CALN1: variants seen among roughly 807,000 people sequenced by gnomAD.
CALN1 encodes the protein calcium-binding protein 8.
Under a neutral mutation model 30.6 loss-of-function variants are expected in CALN1, and 17 were observed. The ratio of observed to expected loss-of-function variants is 0.56; its 90% CI spans 0.38 to 0.83. CALN1 has a LOEUF of 0.83. CALN1 is among the 40% of genes least tolerant of loss of function. The probability of loss-of-function intolerance (pLI) is 0.00; values close to 1 mark genes in which losing one functional copy is unlikely to be tolerated. For synonymous variants in CALN1, 156 were observed against 131.4 expected (o/e 1.19, Z -1.28); for missense variants, 291 against 354.9 (o/e 0.82, Z 1.45).
At chr7:71,892,440 C>T in intron 5 of CALN1, among the ~76,000 whole-genome samples, 1 of 152,138 alleles carries the variant, frequency 6.6e-6, no homozygotes, top group East Asian at 1.9e-4. Flanking sequence ...AGTTCGAGAC[C>T]AGCCTTGGGC....
At chr7:71,838,119 G>A (rs1034052806) in intron 5 of CALN1, among the ~76,000 whole-genome samples, 2 of 152,006 alleles carry the variant, frequency 1.3e-5, no homozygotes, top group Admixed American at 6.6e-5. Context: ...ATTTTGTTCT[G>A]CGGAAAAGAG....
intron 5 of CALN1, among the ~76,000 whole-genome samples, chr7:71,975,066 A>G (rs1461622730): frequency 6.6e-6 from 1 of 152,118 alleles, no homozygotes; most frequent in Non-Finnish European, 1.5e-5. Flanking sequence ...ACCAAATCCA[A>G]TTAGTCACTG....
At chr7:72,013,625 G>A (rs1015035456) in intron 5 of CALN1, among the ~76,000 whole-genome samples, 13 of 151,890 alleles carry the variant, frequency 8.6e-5, no homozygotes, top group African/African-American at 3.1e-4. Context: ...CAAGTATAAA[G>A]AAAAAATTAT....
At chr7:71,814,895 G>C (rs942352045) in intron 5 of CALN1, among the ~76,000 whole-genome samples, 1 of 149,904 alleles carries the variant, frequency 6.7e-6, no homozygotes, top group Non-Finnish European at 1.5e-5. Context: ...GTGCAGTGAC[G>C]CAATCTTGGC....
chr7:72,208,011 A>C (rs1380342244), intron 3 of CALN1, among the ~76,000 whole-genome samples: 7 of 152,204 alleles, frequency 4.6e-5, no homozygotes, highest in Non-Finnish European at 1.0e-4. Context: ...TGTATTGTTA[A>C]ACTCAGAAGA....
intron 3 of CALN1, among the ~76,000 whole-genome samples, chr7:72,276,811 TC>T (rs1797362586): frequency 6.6e-6 from 1 of 152,032 alleles, no homozygotes; most frequent in African/African-American, 2.4e-5. Context: ...CAAATATAGT[TC>T]TTTTCTATAT....
chr7:72,029,385 A>T (rs1405107483), intron 4 of CALN1, among the ~76,000 whole-genome samples: 2 of 152,154 alleles, frequency 1.3e-5, no homozygotes, highest in Non-Finnish European at 2.9e-5. Flanking sequence ...AAGTGCTGGG[A>T]TTACAGGTGT....
intron 2 of CALN1, among the ~76,000 whole-genome samples, chr7:72,399,454 AG>A (rs1246600839): frequency 2.0e-5 from 3 of 151,870 alleles, no homozygotes; most frequent in African/African-American, 7.3e-5. Flanking sequence ...TATTTTTAGT[AG>A]AGATAGGGCT....
At chr7:72,358,469 G>GACA (rs2129559636) in intron 2 of CALN1, among the ~76,000 whole-genome samples, 1 of 152,244 alleles carries the variant, frequency 6.6e-6, no homozygotes, top group Non-Finnish European at 1.5e-5. Context: ...CACTGACTTT[G>GACA]ACATTGTACT....
intron 2 of CALN1, among the ~76,000 whole-genome samples, chr7:72,390,551 T>A (rs933807139): frequency 4.6e-5 from 7 of 152,178 alleles, no homozygotes; most frequent in Non-Finnish European, 8.8e-5. Flanking sequence ...CAAATTTGGA[T>A]GGGAAAGAAT....
At chr7:71,906,142 G>A (rs1794123089) in intron 5 of CALN1, among the ~76,000 whole-genome samples, 1 of 152,310 alleles carries the variant, frequency 6.6e-6, no homozygotes, top group East Asian at 1.9e-4. Context: ...AGGGACACAA[G>A]CCTAACCATA....
At position 72,177,752 on chromosome 7, in the gene CALN1, G is replaced by GGGA. The variant is rs397729652; in HGVS notation, c.245-71459_245-71458insTCC. ...TTCACTCCAGCCTGGGCGACAGAGG[G>GGGA]AAAAAAAAAAAAAAAAAAGGACATT... On this transcript the variant is annotated intron_variant, in intron 3 of 6. Coordinates refer to ENST00000395275, the MANE Select transcript of CALN1 (RefSeq NM_031468.4). Among the ~76,000 whole-genome samples, 1,019 of 132,150 alleles carry GGGA rather than the reference G, an allele frequency of 7.7e-3. 16 individuals are homozygous for GGGA. The highest frequency in any genetic ancestry group is 0.019 in the Middle Eastern group (5 of 260). 86.7% of individuals were successfully genotyped at this position (132,150 alleles called of 152,430 possible). A position where few individuals can be genotyped will look rare whatever the true frequency, so the allele number is the denominator to read the frequency against.
At chr7:72,095,422 A>T (rs1320250251) in intron 4 of CALN1, among the ~76,000 whole-genome samples, 1 of 152,214 alleles carries the variant, frequency 6.6e-6, no homozygotes, top group African/African-American at 2.4e-5. Flanking sequence ...CACAAGCCAT[A>T]ATTCACTAAC....
chr7:72,196,941 A>G (rs548331520), intron 3 of CALN1, among the ~76,000 whole-genome samples: 2 of 152,248 alleles, frequency 1.3e-5, no homozygotes, highest in African/African-American at 2.4e-5. Flanking sequence ...TGGAGGGTAC[A>G]TTAAGATTTT....
Position 72,185,137 on chromosome 7 carries a change from T to C in CALN1, c.245-78843A>G, listed in dbSNP as rs538470784. 2.7e-3 allele frequency among the ~76,000 whole-genome samples: 409 copies of C among 152,144 alleles called. 1 individual carries two copies. Among genetic ancestry groups the C allele is most frequent in the Non-Finnish European group, 4.1e-3 (280 of 67,990 alleles). ...CTCTGTTGAATTAGTGTGAGAAATTTGCAATTTGTGTGCAGTTGACTTGAA... is the reference window on the plus strand; with the variant it reads ...CTCTGTTGAATTAGTGTGAGAAATTCGCAATTTGTGTGCAGTTGACTTGAA... On this transcript the variant is annotated intron_variant, in intron 3 of 6. Transcript: ENST00000395275.
rs188324606 is a variant in CALN1 at position 72,357,277 on chromosome 7, C to G, written c.119+45974G>C. On this transcript the variant is annotated intron_variant, in intron 2 of 6. Transcript: ENST00000395275. ...AAGAGCCTTGCTAACACAAACCCCC[C>G]GACCCCAAGCTGAGATCTGGCGATG... Among the ~76,000 whole-genome samples the G allele has an allele frequency of 3.3e-3, 498 of 151,996 alleles. 17 individuals carry two copies. Among genetic ancestry groups the G allele is most frequent in the Middle Eastern group, 0.017 (5 of 294 alleles).
At position 71,787,910 on chromosome 7, in the gene CALN1, T is replaced by C; in HGVS notation, c.659-8A>G. 6.2e-7 allele frequency: 1 copy of C among 1,613,704 alleles called. No individual in the cohort carries two copies. ...TCTGCTTCTGGGAATGCACTGGTGG[T>C]GGGAGAAGCAGGTGTGGGAAGAAGG... On this transcript the variant is annotated splice_polypyrimidine_tract_variant and splice_region_variant and intron_variant, in intron 6 of 6. Transcript: ENST00000395275.
At position 72,403,392 on chromosome 7, in the gene CALN1, C is replaced by G. The variant is rs1806479848; in HGVS notation, c.-23G>C. 1.2e-5 allele frequency: 18 copies of G among 1,530,874 alleles called. No individual in the cohort carries two copies. The highest frequency in any genetic ancestry group is 3.6e-5 in the South Asian group (3 of 83,356). 94.8% of individuals were successfully genotyped at this position (1,530,874 alleles called of 1,614,324 possible). On this transcript the variant is annotated 5_prime_UTR_variant, in exon 2 of 7. Transcript: ENST00000395275. ...CATCGGGGGTCCAGGGCGATGTTCT[C>G]AGAGAGAGTTAGAAGCTCATCAAAG...
At chr7:72,299,346 C>T (rs1799087774) in intron 2 of CALN1, among the ~76,000 whole-genome samples, 1 of 152,120 alleles carries the variant, frequency 6.6e-6, no homozygotes, top group South Asian at 2.1e-4. Context: ...CTACTTAATG[C>T]AGTAAAGCAT....
Sources: allele counts gnomAD v4.1 joint callset (sites outside exome capture counted in the v4.1 genomes callset), GRCh38; gene constraint gnomAD v4.1.1; transcripts MANE v1.5; gene names NCBI Gene and HGNC (gene_info 2026-07-23, HGNC 2026-07-21).